Variants in SNAP47 observed in about 807,000 individuals in gnomAD.
SNAP47 encodes synaptosomal-associated protein 47.
In SNAP47, 20 loss-of-function variants were observed where a neutral mutation model predicts 31.4. The observed-to-expected ratio is 0.64, with a 90% confidence interval of 0.45 to 0.93. The LOEUF is 0.93. Among genes scored for constraint, SNAP47 ranks in the 40% least tolerant of loss-of-function variants. The pLI is 0.00. For missense variants in SNAP47, 492 were observed against 528.5 expected, an observed-to-expected ratio of 0.93 and a Z score of 0.68; for synonymous variants, 194 against 213.4, an observed-to-expected ratio of 0.91 and a Z score of 0.79.
Position 227,772,110 on chromosome 1 carries a change from G to A in SNAP47, c.1113+5027G>A, listed in dbSNP as rs544490188. ...TCGCTTTAATGAAGGCCAAGTGTGC[G>A]GGGCAAGTGCTGGGTGTCATGGAGG... On this transcript the variant is annotated intron_variant, in intron 4 of 4. Coordinates refer to ENST00000617596, the MANE Select transcript of SNAP47 (RefSeq NM_053052.4). 9.8e-5 allele frequency among the ~76,000 whole-genome samples: 15 copies of A among 152,302 alleles called. No homozygotes were observed. The East Asian group carries it at 2.1e-3, about 22-fold the overall frequency.
intron 4 of SNAP47, chr1:227,776,632 A>G: frequency 1.0e-6 from 1 of 985,494 alleles, no homozygotes; most frequent in Non-Finnish European, 1.2e-6. Context: ...CATCCCTGTT[A>G]TGTGGAATGC....
chr1:227,733,099 C>A (rs1240583889), upstream of SNAP47: 1 of 1,532,706 alleles, frequency 6.5e-7, no homozygotes, highest in African/African-American at 1.4e-5. Flanking sequence ...ATCTCCTGCG[C>A]CAGGAACCCA....
chr1:227,732,976 T>TG, upstream of SNAP47: 1 of 1,613,432 alleles, frequency 6.2e-7, no homozygotes, highest in South Asian at 1.1e-5. Flanking sequence ...CGCCACATGT[T>TG]GGCCAGGTTG....
In SNAP47 at chr1:227,781,027, T is replaced by C. The variant is rs1018503248; in HGVS notation, c.*354T>C. On this transcript the variant is annotated 3_prime_UTR_variant, in exon 5 of 5. Transcript: ENST00000617596. ...CAGACTGGCCTTCTTAGCTGTACTA[T>C]AAATTTGTGAGTGAAGTTAGAGCCC... 1.3e-5 allele frequency: 3 copies of C among 235,126 alleles called. No individual in the cohort carries two copies. In the Admixed American group the frequency reaches 1.5e-4, roughly 12 times the overall value. 14.6% of individuals were successfully genotyped at this position (235,126 alleles called of 1,614,324 possible).
Position 227,752,204 on chromosome 1 carries a change from G to A in SNAP47, c.497+3971G>A, listed in dbSNP as rs528225440. 1.8e-4 allele frequency among the ~76,000 whole-genome samples: 28 copies of A among 152,282 alleles called. No homozygotes were observed. In the South Asian group the frequency reaches 3.5e-3, roughly 19 times the overall value. On this transcript the variant is annotated intron_variant, in intron 2 of 4. Transcript: ENST00000617596. The stretch of plus-strand genomic sequence containing the variant: ...AAGTCACCACCACAGTCATACGCAC[G>A]AACACATCTCTCACCTCACATGCCT...
upstream of SNAP47, chr1:227,735,294 G>C (rs757297162): frequency 2.1e-5 from 33 of 1,605,400 alleles, no homozygotes; most frequent in Non-Finnish European, 2.7e-5. Context: ...ACGGGTCGAA[G>C]GACCCTCCTC....
chr1:227,740,755 G>T (rs138837631), intron 1 of SNAP47, among the ~76,000 whole-genome samples: 1,556 of 152,284 alleles, frequency 0.01, 17 homozygotes, highest in African/African-American at 0.032. Flanking sequence ...TGTTTCTTGA[G>T]GGGGAGGAAG....
At chr1:227,735,265 G>C (rs375123561), upstream of SNAP47, 35 of 1,605,132 alleles carry the variant, frequency 2.2e-5, no homozygotes, top group East Asian at 4.5e-4. Context: ...CGCGCGTCTC[G>C]CGGTCCATCC....
chr1:227,763,966 T>C lies in SNAP47; in HGVS notation c.989-2993T>C, dbSNP rs1316170879. 1.3e-5 allele frequency among the ~76,000 whole-genome samples: 2 copies of C among 152,310 alleles called. No individual in the cohort carries two copies. The highest frequency in any genetic ancestry group is 3.4e-3 in the Middle Eastern group (1 of 294). Reference sequence around the variant, plus strand: ...GGGCCTGTGGCCTCAGGGCACTCTCTTTCCAGATGACCAAGACATTCTGCA... The same window carrying C: ...GGGCCTGTGGCCTCAGGGCACTCTCCTTCCAGATGACCAAGACATTCTGCA... On this transcript the variant is annotated intron_variant, in intron 3 of 4. Coordinates refer to ENST00000617596, the MANE Select transcript of SNAP47 (RefSeq NM_053052.4). The surrounding 1 kb of genome is among the most constrained non-coding windows in gnomAD (Gnocchi z 4.2).
intron 4 of SNAP47, among the ~76,000 whole-genome samples, chr1:227,774,079 G>A (rs2102994817): frequency 6.6e-6 from 1 of 152,290 alleles, no homozygotes; most frequent in African/African-American, 2.4e-5. Context: ...GGCTTGTTGA[G>A]GGCTGCCTCC....
upstream of SNAP47, chr1:227,734,764 G>A: frequency 6.2e-7 from 1 of 1,614,122 alleles, no homozygotes. Context: ...GCTCTTTGGG[G>A]TTCGAGTTGT....
chr1:227,753,624 T>C (rs1662514737), intron 2 of SNAP47, among the ~76,000 whole-genome samples: 2 of 152,262 alleles, frequency 1.3e-5, no homozygotes, highest in South Asian at 4.1e-4. Context: ...GCCTCTCAGC[T>C]TCCTCACATC....
chr1:227,733,598 G>A, upstream of SNAP47: 1 of 1,606,004 alleles, frequency 6.2e-7, no homozygotes, highest in Non-Finnish European at 8.5e-7. Flanking sequence ...TTCCTGCCCT[G>A]GGGGGAAGAG....
At chr1:227,756,027 G>A (rs1269701813) in intron 2 of SNAP47, among the ~76,000 whole-genome samples, 1 of 152,246 alleles carries the variant, frequency 6.6e-6, no homozygotes, top group East Asian at 1.9e-4. Flanking sequence ...CCAATGCATT[G>A]ATTGATGTCT....
At chr1:227,733,450 A>G (rs547932751), upstream of SNAP47, 4 of 1,587,342 alleles carry the variant, frequency 2.5e-6, no homozygotes, top group Admixed American at 1.8e-5. Flanking sequence ...CACTGGGCAC[A>G]AACACCATCT....
intron 3 of SNAP47, among the ~76,000 whole-genome samples, chr1:227,766,220 T>C (rs915013540): frequency 6.6e-5 from 10 of 152,212 alleles, no homozygotes; most frequent in African/African-American, 2.4e-4. Flanking sequence ...CCTGCCTGTT[T>C]CCTGACATCC....
rs183612082 is a variant in SNAP47, at chr1:227,762,977, G to A, written c.988+3492G>A. On this transcript the variant is annotated intron_variant, in intron 3 of 4. Coordinates refer to ENST00000617596, the MANE Select transcript of SNAP47 (RefSeq NM_053052.4). The surrounding 1 kb of genome is among the most constrained non-coding windows in gnomAD (Gnocchi z 4.2). ...TTTTTATTTATTTTTTTCTTTTAGA[G>A]ACAGGGCCTTGCCCTGTCATCCAGG... Among the ~76,000 whole-genome samples the A allele has an allele frequency of 6.6e-6, 1 of 152,104 alleles. No individual in the cohort carries two copies. The highest frequency in any genetic ancestry group is 1.5e-5 in the Non-Finnish European group (1 of 68,028).
chr1:227,732,346 G>C, upstream of SNAP47: 1 of 1,598,562 alleles, frequency 6.3e-7, no homozygotes, highest in Non-Finnish European at 8.5e-7. Context: ...CCCCGGAGCA[G>C]GAGGCTGCCT....
chr1:227,741,368 G>C lies in SNAP47; in HGVS notation c.-46+5869G>C, dbSNP rs1661586182. Among the ~76,000 whole-genome samples, 2 of 152,172 alleles carry C rather than the reference G, an allele frequency of 1.3e-5. No homozygotes were observed. The highest frequency in any genetic ancestry group is 2.9e-5 in the Non-Finnish European group (2 of 68,022). Reference sequence around the variant, plus strand: ...TCATGGAAGTGGGGCTGGAGACCTGGAGAGGGTAGTGGCCAGGGAGCCAGG... The same window carrying C: ...TCATGGAAGTGGGGCTGGAGACCTGCAGAGGGTAGTGGCCAGGGAGCCAGG... On this transcript the variant is annotated intron_variant, in intron 1 of 4. Transcript: ENST00000617596. The surrounding 1 kb of genome is among the most constrained non-coding windows in gnomAD (Gnocchi z 4.2).
Sources: allele counts gnomAD v4.1 joint callset (sites outside exome capture counted in the v4.1 genomes callset), GRCh38; gene constraint gnomAD v4.1.1; non-coding constraint Gnocchi (gnomAD v3.1); transcripts MANE v1.5; gene names NCBI Gene and HGNC (gene_info 2026-07-23, HGNC 2026-07-21).